HDHD5: variants seen among roughly 807,000 people sequenced by gnomAD.
HDHD5 encodes the protein haloacid dehalogenase-like hydrolase domain-containing 5.
A neutral mutation model predicts 35.5 loss-of-function variants in HDHD5; 34 were observed. That is an observed-to-expected ratio of 0.96 (90% CI 0.73 to 1.28). The LOEUF (loss-of-function observed/expected upper bound fraction) is 1.28. HDHD5 is among the 50% of genes most tolerant of loss of function. HDHD5 has a pLI of 0.00. For missense variants in HDHD5, 589 were observed against 560.2 expected, an observed-to-expected ratio of 1.05 and a Z score of -0.52; for synonymous variants, 248 against 240.6, an observed-to-expected ratio of 1.03 and a Z score of -0.29.
intron 1 of HDHD5, among the ~76,000 whole-genome samples, chr22:17,164,394 A>G (rs182967205): frequency 1.1e-3 from 171 of 152,330 alleles, no homozygotes; most frequent in African/African-American, 4.0e-3. Context: ...AAACCTCCAA[A>G]GAGCAGTGGC....
upstream of HDHD5, among the ~76,000 whole-genome samples, chr22:17,162,247 C>G (rs1200630351): frequency 6.6e-6 from 1 of 152,188 alleles, no homozygotes; most frequent in East Asian, 1.9e-4. Flanking sequence ...TGAGGCAAAA[C>G]CACCCAGCTA....
chr22:17,151,327 C>T (rs1217579397), intron 1 of HDHD5, among the ~76,000 whole-genome samples: 1 of 120,912 alleles, frequency 8.3e-6, no homozygotes, highest in Admixed American at 9.0e-5. Flanking sequence ...AAAAACCTAA[C>T]CTAACTTGTT....
chr22:17,146,452 C>T (rs1349878645), intron 3 of HDHD5, among the ~76,000 whole-genome samples: 1 of 148,918 alleles, frequency 6.7e-6, no homozygotes, highest in South Asian at 2.2e-4. Flanking sequence ...TACAGGCCTT[C>T]GATCACACGC....
rs529912198 is a variant in HDHD5, at chr22:17,157,655, G to A, written c.126+1471C>T. Among the ~76,000 whole-genome samples, 4 of 152,298 alleles carry A rather than the reference G, an allele frequency of 2.6e-5. No individual in the cohort carries two copies. The South Asian group carries it at 8.3e-4, about 32-fold the overall frequency. On this transcript the variant is annotated intron_variant, in intron 1 of 7. Transcript: ENST00000336737. ...CGATATTTCCTTATATTTATATCCTGACAGTTTGTAAGTCCTTTTATCAAC... is the reference window on the plus strand; with the variant it reads ...CGATATTTCCTTATATTTATATCCTAACAGTTTGTAAGTCCTTTTATCAAC...
chr22:17,141,183 T>C lies in HDHD5; in HGVS notation c.622A>G (p.Ile208Val). 6.3e-7 allele frequency: 1 copy of C among 1,597,734 alleles called. No individual in the cohort carries two copies. The highest frequency in any genetic ancestry group is 8.5e-7 in the Non-Finnish European group (1 of 1,172,868). ...PVRWETSLQLIMDVLLSNGSP... is the reference protein window; with the variant it reads ...PVRWETSLQLVMDVLLSNGSP... ...CCATTGCTGAGGAGGACATCCATGA[T>C]CAGCTGCAGGCTGGTCTCCCAGCGG... Residue 208 changes from isoleucine to valine, a missense_variant, in exon 6 of 8, where the codon ATC becomes GTC. Physicochemically the swap from Ile to Val is conservative, Grantham distance 29 (BLOSUM62 3). Coordinates refer to ENST00000336737, the MANE Select transcript of HDHD5 (RefSeq NM_033070.3).
At chr22:17,154,725 G>C (rs2061766527) in intron 1 of HDHD5, among the ~76,000 whole-genome samples, 2 of 151,158 alleles carry the variant, frequency 1.3e-5, no homozygotes, top group Admixed American at 6.6e-5. Context: ...TGAGCTCAAA[G>C]GATCCTCCTG....
At chr22:17,152,711 G>A (rs1488198281) in intron 1 of HDHD5, among the ~76,000 whole-genome samples, 1 of 152,146 alleles carries the variant, frequency 6.6e-6, no homozygotes, top group African/African-American at 2.4e-5. Context: ...CACAAGACCT[G>A]CCAGCAAAAG....
At chr22:17,163,475 C>G (rs1221272645), upstream of HDHD5, among the ~76,000 whole-genome samples, 4 of 152,172 alleles carry the variant, frequency 2.6e-5, no homozygotes, top group East Asian at 7.7e-4. Context: ...GTTAGCATGT[C>G]TCTGAGCAGA....
At chr22:17,148,605 T>C (rs2061692187) in intron 2 of HDHD5, 45 bp from the exon 3 acceptor site, 1 of 1,421,130 alleles carries the variant, frequency 7.0e-7, no homozygotes, top group Non-Finnish European at 9.9e-7. Context: ...AAGACAGAAC[T>C]GTTGAGGGAA....
At chr22:17,138,496 G>C in intron 7 of HDHD5, 54 bp downstream of exon 7, 1 of 1,577,240 alleles carries the variant, frequency 6.3e-7, no homozygotes, top group Non-Finnish European at 8.7e-7. Flanking sequence ...AGTAGAGGAG[G>C]AGGGAGAGAA....
intron 5 of HDHD5, chr22:17,141,649 G>A (rs2061602378): frequency 9.8e-7 from 1 of 1,024,784 alleles, no homozygotes; most frequent in Non-Finnish European, 1.2e-6. Context: ...GACAGGGGGT[G>A]TGGAGTGATA....
upstream of HDHD5, chr22:17,159,624 T>G (rs2061848024): frequency 2.5e-6 from 1 of 399,300 alleles, no homozygotes; most frequent in South Asian, 1.7e-5. Flanking sequence ...GGTCTCAACC[T>G]TGACTTCAGG....
intron 3 of HDHD5, among the ~76,000 whole-genome samples, chr22:17,148,096 T>C (rs555642426): frequency 6.6e-6 from 1 of 151,774 alleles, no homozygotes; most frequent in Non-Finnish European, 1.5e-5. Flanking sequence ...AGAGCAGGGG[T>C]TCCCAAACCC....
chr22:17,152,233 A>C (rs2061734688), intron 1 of HDHD5, among the ~76,000 whole-genome samples: 2 of 152,304 alleles, frequency 1.3e-5, no homozygotes, highest in South Asian at 4.1e-4. Flanking sequence ...TGAACTATAG[A>C]AAAAAATTTG....
intron 4 of HDHD5, among the ~76,000 whole-genome samples, chr22:17,144,683 G>T (rs968406836): frequency 6.6e-6 from 1 of 151,998 alleles, no homozygotes; most frequent in Non-Finnish European, 1.5e-5. Context: ...CAAAGTGCTG[G>T]AATTACAGGT....
intron 4 of HDHD5, among the ~76,000 whole-genome samples, chr22:17,144,413 C>CTTT (rs71315359): frequency 2.3e-5 from 3 of 132,776 alleles, no homozygotes; most frequent in African/African-American, 2.8e-5. Flanking sequence ...CCATATGTGG[C>CTTT]TTTTTTTTTT....
At chr22:17,142,988 A>G in intron 5 of HDHD5, 110 bp downstream of exon 5, 1 of 1,052,702 alleles carries the variant, frequency 9.5e-7, no homozygotes, top group Non-Finnish European at 1.3e-6. Flanking sequence ...CCTGACTCCA[A>G]GGCCCCTTGC....
At chr22:17,155,955 A>G (rs1212839160) in intron 1 of HDHD5, among the ~76,000 whole-genome samples, 3 of 152,224 alleles carry the variant, frequency 2.0e-5, no homozygotes, top group Non-Finnish European at 4.4e-5. Flanking sequence ...AAGTTCCTTA[A>G]AAAGTCTGAA....
rs1329412182 is a variant in HDHD5 at position 17,141,103 on chromosome 22, G to A, written c.702C>T (p.Ala234=). ...CCATCCACAGGAGATCCATGTTGCT[G>A]GCTAGGACGGGGAGGTGGGGGTAGG... ...TPPYPHLPVL[A]SNMDLLWMAE... Residue 234 remains alanine (A), a synonymous_variant, in exon 6 of 8, where the codon GCC becomes GCT. Coordinates refer to ENST00000336737, the MANE Select transcript of HDHD5 (RefSeq NM_033070.3). 2.5e-6 allele frequency: 4 copies of A among 1,594,192 alleles called. No homozygotes were observed. Among genetic ancestry groups the A allele is most frequent in the Non-Finnish European group, 3.4e-6 (4 of 1,171,702 alleles).
Sources: gnomAD v4.1 joint callset for allele counts (sites outside exome capture counted in the v4.1 genomes callset) on GRCh38, gnomAD v4.1.1 for gene constraint, MANE v1.5 for transcripts, NCBI Gene and HGNC (gene_info 2026-07-23, HGNC 2026-07-21) for gene names.